Variants in EXPH5 observed in about 807,000 individuals in gnomAD.
EXPH5 encodes the protein exophilin 5.
Under a neutral mutation model 41.1 loss-of-function variants are expected in EXPH5, and 42 were observed. The ratio of observed to expected loss-of-function variants is 1.02; its 90% CI spans 0.80 to 1.32. EXPH5 has a LOEUF of 1.32. EXPH5 is among the 40% of genes most tolerant of loss of function. EXPH5 has a pLI of 0.00. For missense variants in EXPH5, 2,298 were observed against 2,314.5 expected (o/e 0.99, Z 0.15); for synonymous variants, 798 against 833.5 (o/e 0.96, Z 0.73).
At chr11:108,548,547 A>G (rs932283978) in intron 1 of EXPH5, among the ~76,000 whole-genome samples, 14 of 152,256 alleles carry the variant, frequency 9.2e-5, no homozygotes, top group Admixed American at 2.6e-4. Context: ...ATCAGCCAGA[A>G]TATTCAAGGT....
chr11:108,530,873 G>C (rs1335793285), intron 3 of EXPH5, among the ~76,000 whole-genome samples: 2 of 152,150 alleles, frequency 1.3e-5, no homozygotes. Flanking sequence ...TGTGGACTTG[G>C]GTAGAAGAGT....
chr11:108,543,452 T>A (rs1893996), intron 1 of EXPH5, among the ~76,000 whole-genome samples: 3,606 of 152,148 alleles, frequency 0.024, 144 homozygotes, highest in African/African-American at 0.081. Flanking sequence ...AGGCTTACAG[T>A]GTGGTTGTTT....
At chr11:108,542,409 T>C (rs1173703937) in intron 1 of EXPH5, among the ~76,000 whole-genome samples, 1 of 152,138 alleles carries the variant, frequency 6.6e-6, no homozygotes, top group Non-Finnish European at 1.5e-5. Context: ...GTTAAAATAA[T>C]CATCAGGCTG....
At chr11:108,541,253 C>A (rs995151776) in intron 2 of EXPH5, among the ~76,000 whole-genome samples, 2 of 152,102 alleles carry the variant, frequency 1.3e-5, no homozygotes, top group Non-Finnish European at 2.9e-5. Context: ...TTCTCGTAAC[C>A]ACCTTATGAG....
Position 108,513,996 on chromosome 11 carries a change from T to A in EXPH5, c.1511A>T (p.Asp504Val). Residue 504 changes from aspartate (D) to valine (V), a missense_variant, in exon 6 of 6, where the codon GAC (aspartate) becomes GTC (valine). Transcript: ENST00000265843. ...CATGGAAATCATTTCAAAGTCTCTG[T>A]CAGAAGAACTGAATGATTTCCTGCT... is the stretch of plus-strand genomic sequence containing the variant. Reference protein sequence around the residue: ...HRSRKSFSSSDRDFEMISMEA... With the variant: ...HRSRKSFSSSVRDFEMISMEA... 6.2e-7 allele frequency: 1 copy of A among 1,612,996 alleles called. No homozygotes were observed. Among genetic ancestry groups the A allele is most frequent in the South Asian group, 1.1e-5 (1 of 90,798 alleles).
the EXPH5 span, among the ~76,000 whole-genome samples, chr11:108,599,035 G>A: frequency 4.0e-5 from 5 of 126,142 alleles, no homozygotes; most frequent in Non-Finnish European, 8.6e-5. Flanking sequence ...AAAAAGAGAC[G>A]GAGAGAGAGA....
the EXPH5 span, among the ~76,000 whole-genome samples, chr11:108,605,999 C>T: frequency 6.6e-6 from 1 of 152,200 alleles, no homozygotes; most frequent in Non-Finnish European, 1.5e-5. Context: ...CTTCCCTAAT[C>T]AGGAATTTGT....
chr11:108,541,641 C>T lies in EXPH5; in HGVS notation c.280+11G>A. ...AAGAAATCAACTTTAAATCTAAAATCTTTTTCTTACCATTTTTTGCCATCT... is the reference window on the plus strand; with the variant it reads ...AAGAAATCAACTTTAAATCTAAAATTTTTTTCTTACCATTTTTTGCCATCT... On this transcript the variant is annotated intron_variant, in intron 2 of 5. Transcript: ENST00000265843. The T allele has an allele frequency of 1.3e-6, 2 of 1,578,980 alleles. No individual in the cohort carries two copies. The highest frequency in any genetic ancestry group is 1.7e-6 in the Non-Finnish European group (2 of 1,157,466).
In EXPH5 at chr11:108,514,864, AG is replaced by A; in HGVS notation, c.642del (p.Leu215TrpfsTer14). On this transcript the variant is annotated frameshift_variant, in exon 6 of 6. Coordinates refer to ENST00000265843, the MANE Select transcript of EXPH5 (RefSeq NM_015065.3). LOFTEE classifies it low-confidence loss of function (END_TRUNC). ...LENEFFQVLD[D>X]LDSKLAQEQS... Reference sequence around the variant, plus strand: ...TGTTCCTGAGCCAATTTGCTATCCAAGTCATCTAAAACTGAAAAGAGAATGT... The same window carrying A: ...TGTTCCTGAGCCAATTTGCTATCCAATCATCTAAAACTGAAAAGAGAATGT... The A allele has an allele frequency of 2.7e-6, 4 of 1,456,564 alleles. No individual in the cohort carries two copies. Among genetic ancestry groups the A allele is most frequent in the Non-Finnish European group, 3.6e-6 (4 of 1,105,728 alleles). The allele number at this position is 1,456,564 out of a possible 1,614,324, so 90.2% of individuals were successfully genotyped here.
chr11:108,557,815 CAGTT>C (rs1484642383), intron 1 of EXPH5, among the ~76,000 whole-genome samples: 2 of 152,176 alleles, frequency 1.3e-5, no homozygotes, highest in Admixed American at 6.5e-5. Context: ...GGTATGGACT[CAGTT>C]AGCTCTTGGT....
intron 1 of EXPH5, chr11:108,568,064 A>C (rs1287500263): frequency 2.0e-5 from 3 of 151,982 alleles, no homozygotes; most frequent in Non-Finnish European, 4.4e-5. Context: ...CGCTGAAGAC[A>C]AAACACCCTT....
chr11:108,576,579 C>G (rs2094080372), intron 1 of EXPH5, among the ~76,000 whole-genome samples: 1 of 151,884 alleles, frequency 6.6e-6, no homozygotes, highest in Non-Finnish European at 1.5e-5. Context: ...ATTTTTCATT[C>G]TTTTTTGAAT....
At chr11:108,545,014 A>ATTT (rs57345072) in intron 1 of EXPH5, among the ~76,000 whole-genome samples, 1 of 148,266 alleles carries the variant, frequency 6.7e-6, no homozygotes, top group African/African-American at 2.5e-5. Context: ...CTTTTCCATT[A>ATTT]TTTTTTTTTT....
chr11:108,558,570 C>T (rs1288251744), intron 1 of EXPH5, among the ~76,000 whole-genome samples: 1 of 152,232 alleles, frequency 6.6e-6, no homozygotes, highest in East Asian at 1.9e-4. Context: ...CCTCTTGTGT[C>T]TGCTGTCCTT....
intron 1 of EXPH5, among the ~76,000 whole-genome samples, chr11:108,550,930 C>A (rs950754568): frequency 6.6e-6 from 1 of 152,190 alleles, no homozygotes; most frequent in Non-Finnish European, 1.5e-5. Context: ...AACATTCCTA[C>A]ATCACATCCA....
chr11:108,539,256 T>C (rs2093899058), intron 2 of EXPH5, 70 bp from the exon 3 acceptor site: 1 of 1,161,188 alleles, frequency 8.6e-7, no homozygotes. Context: ...GAATGAAGCC[T>C]TTGCTCTTGT....
At position 108,512,725 on chromosome 11, in the gene EXPH5, C is replaced by T. The variant is rs1271787328; in HGVS notation, c.2782G>A (p.Gly928Arg). 1.2e-6 allele frequency: 2 copies of T among 1,613,620 alleles called. No homozygotes were observed. Among genetic ancestry groups the T allele is most frequent in the East Asian group, 2.2e-5 (1 of 44,868 alleles). ...LGEREEKDNAGKNQKNQFIVS... is the reference protein window; with the variant it reads ...LGEREEKDNARKNQKNQFIVS... ...ATAAACTGATTCTTTTGGTTCTTCCCAGCATTGTCTTTTTCTTCTCTTTCT... is the reference window on the plus strand; with the variant it reads ...ATAAACTGATTCTTTTGGTTCTTCCTAGCATTGTCTTTTTCTTCTCTTTCT... Residue 928 changes from glycine to arginine, a missense_variant, in exon 6 of 6, where the codon GGG becomes AGG. Physicochemically the swap from Gly to Arg is moderately radical, Grantham distance 125. Transcript: ENST00000265843.
At chr11:108,526,842 A>G (rs959219756) in intron 4 of EXPH5, among the ~76,000 whole-genome samples, 1 of 152,212 alleles carries the variant, frequency 6.6e-6, no homozygotes, top group African/African-American at 2.4e-5. Flanking sequence ...GGAGAATAAT[A>G]GTACCTCTTT....
At chr11:108,568,769 C>T (rs1185389525) in intron 1 of EXPH5, among the ~76,000 whole-genome samples, 3 of 152,142 alleles carry the variant, frequency 2.0e-5, no homozygotes, top group Non-Finnish European at 2.9e-5. Context: ...TTTCTCCTTC[C>T]TCCTGCAGCC....
Sources: gnomAD v4.1 joint callset for allele counts (sites outside exome capture counted in the v4.1 genomes callset) on GRCh38, gnomAD v4.1.1 for gene constraint, MANE v1.5 for transcripts, NCBI Gene and HGNC (gene_info 2026-07-23, HGNC 2026-07-21) for gene names.